Variants in DMRTC2 observed in about 807,000 individuals in gnomAD.
DMRTC2 encodes DMRT like family C2.
In DMRTC2, 13 loss-of-function variants were observed where a neutral mutation model predicts 39.9. That is an observed-to-expected ratio of 0.33 (90% CI 0.21 to 0.52). The LOEUF (loss-of-function observed/expected upper bound fraction) is 0.52, where lower values mean the gene tolerates loss of function less well. Among genes scored for constraint, DMRTC2 ranks in the 20% least tolerant of loss-of-function variants. The pLI, the probability that DMRTC2 is intolerant of heterozygous loss-of-function variation, is 0.96. For missense variants in DMRTC2, 431 were observed against 472.8 expected (o/e 0.91, Z 0.82); for synonymous variants, 189 against 185.2 (o/e 1.02, Z -0.17).
chr19:41,847,318 G>C, intron 1 of DMRTC2, 107 bp from the exon 2 acceptor site: 1 of 1,438,348 alleles, frequency 7.0e-7, no homozygotes, highest in Non-Finnish European at 9.1e-7. Context: ...ATCAGGGCGG[G>C]GTCTAAAGAG....
rs111821405 is a variant in DMRTC2 at position 41,850,399 on chromosome 19, G to T, written c.816+27G>T. ...TCCTGGGAAAGAAGTGGGATCTAGG[G>T]CCCTGGGAGGAGGTTGAGCCTGGGG... On this transcript the variant is annotated intron_variant, in intron 7 of 8. Transcript: ENST00000269945. 92 of 1,560,750 alleles carry T rather than the reference G, an allele frequency of 5.9e-5. 4 individuals are homozygous for T. In the African/African-American group the frequency reaches 8.4e-4, roughly 14 times the overall value.
intron 1 of DMRTC2, chr19:41,845,545 G>C (rs567500717): frequency 1.3e-5 from 2 of 152,408 alleles, no homozygotes; most frequent in Non-Finnish European, 2.9e-5. Context: ...GGCAGGTGGC[G>C]GGTGCGGTGG....
At position 41,850,651 on chromosome 19, in the gene DMRTC2, G is replaced by GC. The variant is rs781948032; in HGVS notation, c.948dup (p.Asn317GlnfsTer150). 6.2e-7 allele frequency: 1 copy of GC among 1,610,780 alleles called. No homozygotes were observed. The highest frequency in any genetic ancestry group is 8.5e-7 in the Non-Finnish European group (1 of 1,178,478). On this transcript the variant is annotated frameshift_variant, in exon 8 of 9. Coordinates refer to ENST00000269945, the MANE Select transcript of DMRTC2 (RefSeq NM_001040283.3). LOFTEE classifies it high-confidence loss of function. ...AGGCTCCTCGTGTGACCCCTTCTGTGCCCCCCAACCCTGCCTGGATCTCCC... is the reference window on the plus strand; with the variant it reads ...AGGCTCCTCGTGTGACCCCTTCTGTGCCCCCCCAACCCTGCCTGGATCTCCC...
At chr19:41,845,378 T>A (rs1366327503) in intron 1 of DMRTC2, 1 of 152,260 alleles carries the variant, frequency 6.6e-6, no homozygotes, top group African/African-American at 2.4e-5. Context: ...TGACTTCACA[T>A]GTTTACACAA....
chr19:41,849,358 C>T, intron 6 of DMRTC2, 102 bp downstream of exon 6: 2 of 1,505,048 alleles, frequency 1.3e-6, no homozygotes, highest in Non-Finnish European at 8.9e-7. Context: ...ATGAAAAGGT[C>T]TCTGACTAAT....
chr19:41,849,032 A>T, intron 5 of DMRTC2, 57 bp downstream of exon 5: 1 of 1,611,958 alleles, frequency 6.2e-7, no homozygotes, highest in Non-Finnish European at 8.5e-7. Flanking sequence ...TCTGCCACAT[A>T]TTGGAGAGGG....
In DMRTC2 at chr19:41,851,716, G is replaced by T. The variant is rs1555837437; in HGVS notation, c.*20G>T. 6.2e-7 allele frequency: 1 copy of T among 1,608,164 alleles called. No individual in the cohort carries two copies. The highest frequency in any genetic ancestry group is 1.1e-5 in the South Asian group (1 of 90,910). ...AGCTAGAAACCCAGAGATGGAGGCT[G>T]TCTTGCTATGGCAGGGAGGTGACAG... On this transcript the variant is annotated 3_prime_UTR_variant, in exon 9 of 9. Coordinates refer to ENST00000269945, the MANE Select transcript of DMRTC2 (RefSeq NM_001040283.3).
In DMRTC2 at chr19:41,849,170, G is replaced by A. The variant is rs782747662; in HGVS notation, c.669G>A (p.Gly223=). The A allele has an allele frequency of 1.5e-5, 25 of 1,614,144 alleles. No homozygotes were observed. The highest frequency in any genetic ancestry group is 2.1e-5 in the Non-Finnish European group (25 of 1,180,036). Reference sequence around the variant, plus strand: ...CCTCCCTCCAGCTGCCCACTCATGGGCCCTTCACCACCTGCCCAGGATCTC... The same window carrying A: ...CCTCCCTCCAGCTGCCCACTCATGGACCCTTCACCACCTGCCCAGGATCTC... ...PGTSLQLPTH[G]PFTTCPGSHP... The change falls in exon 6 of 9, where the codon GGG becomes GGA. Residue 223 remains glycine (G), a synonymous_variant. Transcript: ENST00000269945.
Position 41,847,539 on chromosome 19 carries a change from C to T in DMRTC2, c.111C>T (p.Ser37=), listed in dbSNP as rs1359936603. ...AGCTGATCCCCAGGAGAGCCATCAG[C>T]CGCTCTCCAACCTGCGCCCGCTGCC... The part of the protein sequence containing the change: ...STELIPRRAI[S]RSPTCARCRN... The change falls in exon 2 of 9, where the codon AGC becomes AGT. Residue 37 remains serine, a synonymous_variant. Coordinates refer to ENST00000269945, the MANE Select transcript of DMRTC2 (RefSeq NM_001040283.3). 5 of 1,614,110 alleles carry T rather than the reference C, an allele frequency of 3.1e-6. No individual in the cohort carries two copies. The highest frequency in any genetic ancestry group is 4.2e-6 in the Non-Finnish European group (5 of 1,180,054).
In DMRTC2 at chr19:41,848,875, G is replaced by C. The variant is rs1232646888; in HGVS notation, c.528G>C (p.Trp176Cys). 4.3e-6 allele frequency: 7 copies of C among 1,612,826 alleles called. No individual in the cohort carries two copies. The highest frequency in any genetic ancestry group is 3.4e-6 in the Non-Finnish European group (4 of 1,180,032). ...GGACTCCGGTGCCTCCTGGCCCTTGGGTCCCTGGACACTGGCTGCCTCCAG... is the reference window on the plus strand; with the variant it reads ...GGACTCCGGTGCCTCCTGGCCCTTGCGTCCCTGGACACTGGCTGCCTCCAG... ...LSWTPVPPGP[W>C]VPGHWLPPGF... Residue 176 changes from tryptophan (W) to cysteine (C), a missense_variant, in exon 5 of 9, where the codon TGG becomes TGC. By Grantham distance (215) the Trp-to-Cys change is radical. Transcript: ENST00000269945.
At position 41,850,713 on chromosome 19, in the gene DMRTC2, A is replaced by G. The variant is rs1555837229; in HGVS notation, c.991+13A>G. ...TGTGGCCCACCAGGTGGGCCATGAA[A>G]GGAGAGGATGGATAGGGATGGCTGG... is the stretch of plus-strand genomic sequence containing the variant. On this transcript the variant is annotated intron_variant, in intron 8 of 8. Coordinates refer to ENST00000269945, the MANE Select transcript of DMRTC2 (RefSeq NM_001040283.3). The G allele has an allele frequency of 1.3e-6, 2 of 1,550,940 alleles. No individual in the cohort carries two copies. The highest frequency in any genetic ancestry group is 8.7e-7 in the Non-Finnish European group (1 of 1,150,154).
intron 8 of DMRTC2, chr19:41,851,357 A>C: frequency 3.8e-6 from 2 of 530,208 alleles, no homozygotes; most frequent in African/African-American, 3.8e-5. Context: ...ACGTTTCTGA[A>C]CTAAGCAAGG....
chr19:41,849,854 A>T (rs1027019353), intron 6 of DMRTC2, among the ~76,000 whole-genome samples: 1 of 152,152 alleles, frequency 6.6e-6, no homozygotes, highest in African/African-American at 2.4e-5. Flanking sequence ...CTGAGGTGGG[A>T]GGATTACTTG....
At chr19:41,847,674 G>A in intron 2 of DMRTC2, 22 bp downstream of exon 2, 1 of 1,613,826 alleles carries the variant, frequency 6.2e-7, no homozygotes. Context: ...GTCTGGGAGG[G>A]GAGGAGGATG....
At chr19:41,846,429 C>T (rs1426989132) in intron 1 of DMRTC2, among the ~76,000 whole-genome samples, 6 of 152,028 alleles carry the variant, frequency 3.9e-5, no homozygotes, top group African/African-American at 7.2e-5. Context: ...TACAGAATGT[C>T]GGGCGCAGCA....
At chr19:41,846,860 C>T (rs565641915) in intron 1 of DMRTC2, among the ~76,000 whole-genome samples, 1 of 144,794 alleles carries the variant, frequency 6.9e-6, no homozygotes, top group African/African-American at 2.5e-5. Context: ...AGCCACCGCA[C>T]CCGGCCTAAA....
chr19:41,847,624 T>G lies in DMRTC2; in HGVS notation c.196T>G (p.Cys66Gly). ...CAAGCGCCTCTGCCTCTTCCAGGCTTGCGAGTGTCACAAATGTGTCCTCAT... is the reference window on the plus strand; with the variant it reads ...CAAGCGCCTCTGCCTCTTCCAGGCTGGCGAGTGTCACAAATGTGTCCTCAT... Reference protein sequence around the residue: ...GHKRLCLFQACECHKCVLILE... With the variant: ...GHKRLCLFQAGECHKCVLILE... The change falls in exon 2 of 9, where the codon TGC becomes GGC. Residue 66 changes from cysteine (C) to glycine (G), a missense_variant. Coordinates refer to ENST00000269945, the MANE Select transcript of DMRTC2 (RefSeq NM_001040283.3). The G allele has an allele frequency of 6.2e-7, 1 of 1,614,212 alleles. No homozygotes were observed. Among genetic ancestry groups the G allele is most frequent in the East Asian group, 2.2e-5 (1 of 44,884 alleles).
intron 6 of DMRTC2, 50 bp downstream of exon 6, chr19:41,849,306 T>C: frequency 6.3e-7 from 1 of 1,597,920 alleles, no homozygotes; most frequent in Non-Finnish European, 8.5e-7. Flanking sequence ...CTGTGCTGTG[T>C]CCAACCACAG....
intron 4 of DMRTC2, 50 bp downstream of exon 4, chr19:41,848,578 C>A (rs376890739): frequency 7.1e-7 from 1 of 1,413,946 alleles, no homozygotes; most frequent in African/African-American, 1.4e-5. Flanking sequence ...TAGTTCCTAC[C>A]CAGACCCTTT....
Sources: allele counts gnomAD v4.1 joint callset (sites outside exome capture counted in the v4.1 genomes callset), GRCh38; gene constraint gnomAD v4.1.1; transcripts MANE v1.5; gene names NCBI Gene and HGNC (gene_info 2026-07-23, HGNC 2026-07-21).